Variants in RELCH observed in about 807,000 individuals in gnomAD.
RELCH encodes RAB11-binding protein RELCH.
RELCH carries 41 observed loss-of-function variants against 150.3 expected under a neutral mutation model. The ratio of observed to expected loss-of-function variants is 0.27; its 90% confidence interval spans 0.21 to 0.35. The LOEUF is 0.35. RELCH is among the 10% of genes least tolerant of loss of function. The probability of loss-of-function intolerance (pLI) is 1.00; values close to 1 mark genes in which losing one functional copy is unlikely to be tolerated. For missense variants in RELCH, 1,092 were observed against 1,467.8 expected (o/e 0.74, Z 4.18); for synonymous variants, 478 against 531.8 (o/e 0.90, Z 1.39).
chr18:62,217,250 GAA>G (rs1197581502), intron 2 of RELCH, among the ~76,000 whole-genome samples: 6 of 151,812 alleles, frequency 4.0e-5, no homozygotes, highest in Non-Finnish European at 7.4e-5. Context: ...TGGGAAAAAA[GAA>G]AAAGAGTTTC....
intron 27 of RELCH, 33 bp downstream of exon 27, chr18:62,291,664 T>G: frequency 7.3e-7 from 1 of 1,364,124 alleles, no homozygotes; most frequent in African/African-American, 1.4e-5. Flanking sequence ...GCCATATTCA[T>G]GTTTTAATAC....
chr18:62,254,280 T>A (rs72949221), intron 12 of RELCH, among the ~76,000 whole-genome samples: 1 of 151,888 alleles, frequency 6.6e-6, no homozygotes, highest in Admixed American at 6.6e-5. Flanking sequence ...CTCTCAACAG[T>A]AATTTGTATT....
At position 62,187,353 on chromosome 18, in the gene RELCH, G is replaced by A. The variant is rs1336332792; in HGVS notation, c.-153G>A. 4 of 642,302 alleles carry A rather than the reference G, an allele frequency of 6.2e-6. No individual in the cohort carries two copies. Among genetic ancestry groups the A allele is most frequent in the African/African-American group, 1.8e-5 (1 of 55,100 alleles). 39.8% of individuals were successfully genotyped at this position (642,302 alleles called of 1,614,324 possible). On this transcript the variant is annotated 5_prime_UTR_variant, in exon 1 of 29. Transcript: ENST00000644646. ...AGGTGCAGCTGCATCCGGATCTCCTGCCTTGGAGCGTACTCCTTGTCTCTA... is the reference window on the plus strand; with the variant it reads ...AGGTGCAGCTGCATCCGGATCTCCTACCTTGGAGCGTACTCCTTGTCTCTA...
intron 24 of RELCH, 138 bp downstream of exon 24, chr18:62,280,847 T>C: frequency 1.7e-6 from 1 of 591,932 alleles, no homozygotes. Context: ...AGGATCTCAC[T>C]GTGAAAACAT....
chr18:62,209,557 C>T (rs944082347), intron 1 of RELCH, among the ~76,000 whole-genome samples: 19 of 151,988 alleles, frequency 1.3e-4, no homozygotes, highest in Non-Finnish European at 1.9e-4. Context: ...AAGTATCAGT[C>T]CTCCATCTTT....
chr18:62,206,883 A>G (rs1209424906), intron 1 of RELCH, among the ~76,000 whole-genome samples: 1 of 147,308 alleles, frequency 6.8e-6, no homozygotes, highest in Non-Finnish European at 1.5e-5. Flanking sequence ...AACTCAATAC[A>G]CTTGTTTGTT....
intron 27 of RELCH, among the ~76,000 whole-genome samples, chr18:62,294,818 A>G (rs557449312): frequency 1.8e-4 from 28 of 152,162 alleles, no homozygotes; most frequent in Admixed American, 7.2e-4. Flanking sequence ...CATTCCAATT[A>G]TATTTCTTTT....
intron 26 of RELCH, among the ~76,000 whole-genome samples, chr18:62,287,785 A>T (rs1266179998): frequency 7.2e-5 from 11 of 152,152 alleles, no homozygotes; most frequent in African/African-American, 2.2e-4. Context: ...TACAGCTGAG[A>T]CTTCTGTTAA....
At chr18:62,190,652 A>G (rs2038564662) in intron 1 of RELCH, among the ~76,000 whole-genome samples, 1 of 152,228 alleles carries the variant, frequency 6.6e-6, no homozygotes, top group South Asian at 2.1e-4. Flanking sequence ...TCCTTCATTC[A>G]ATATCCTTAC....
chr18:62,258,164 A>G, intron 14 of RELCH, 76 bp downstream of exon 14: 1 of 1,284,594 alleles, frequency 7.8e-7, no homozygotes, highest in Non-Finnish European at 1.1e-6. Context: ...TCTCTGATTT[A>G]GATACTTTAT....
chr18:62,214,135 C>G (rs916946336), intron 2 of RELCH, among the ~76,000 whole-genome samples: 1 of 151,854 alleles, frequency 6.6e-6, no homozygotes, highest in Non-Finnish European at 1.5e-5. Flanking sequence ...AATTGCTGTA[C>G]TGTGCTCATA....
intron 11 of RELCH, chr18:62,246,886 A>G (rs371126833): frequency 6.6e-6 from 1 of 152,232 alleles, no homozygotes; most frequent in African/African-American, 2.4e-5. Context: ...AAACAAAGCC[A>G]GATAAAGACC....
intron 10 of RELCH, 61 bp from the exon 11 acceptor site, chr18:62,244,703 G>A (rs2148498719): frequency 9.2e-7 from 1 of 1,084,314 alleles, no homozygotes. Context: ...TATTGTGGAG[G>A]AAAAAAGAAT....
At chr18:62,227,195 T>TAAA in intron 5 of RELCH, 94 bp from the exon 6 acceptor site, 1 of 733,890 alleles carries the variant, frequency 1.4e-6, no homozygotes, top group Non-Finnish European at 2.1e-6. Flanking sequence ...AAACCGATCT[T>TAAA]AAAAAAAAAA....
intron 2 of RELCH, among the ~76,000 whole-genome samples, chr18:62,217,038 C>T (rs1050443445): frequency 2.6e-5 from 4 of 151,712 alleles, no homozygotes; most frequent in Non-Finnish European, 4.4e-5. Flanking sequence ...TCTTGTTATT[C>T]GTCACCATGA....
rs2148122259 is a variant in RELCH, at chr18:62,187,829, G to C, written c.324G>C (p.Leu108=). The C allele has an allele frequency of 6.3e-7, 1 of 1,591,748 alleles. No homozygotes were observed. The highest frequency in any genetic ancestry group is 8.6e-7 in the Non-Finnish European group (1 of 1,169,134). The change falls in exon 1 of 29, where the codon CTG becomes CTC. Residue 108 remains leucine, a synonymous_variant. Transcript: ENST00000644646. ...AGCTGTTGCGCGATCAATACTTGCT[G>C]ACCGCCCTGGAGCTGCATACCGAGC... The part of the protein sequence containing the change: ...AAQLLRDQYL[L]TALELHTELL...
At chr18:62,228,158 G>A in intron 7 of RELCH, 147 bp from the exon 8 acceptor site, 1 of 633,446 alleles carries the variant, frequency 1.6e-6, no homozygotes, top group Non-Finnish European at 2.7e-6. Context: ...AGTGAATATT[G>A]CATAAAAAAG....
intron 22 of RELCH, among the ~76,000 whole-genome samples, chr18:62,276,223 A>G (rs2044200789): frequency 6.6e-6 from 1 of 152,076 alleles, no homozygotes; most frequent in Non-Finnish European, 1.5e-5. Context: ...GCCTTGGTTC[A>G]GTTTCCATCT....
chr18:62,196,525 C>T (rs896528908), intron 1 of RELCH, among the ~76,000 whole-genome samples: 29 of 152,148 alleles, frequency 1.9e-4, no homozygotes, highest in Non-Finnish European at 4.0e-4. Flanking sequence ...CCACTGCGCC[C>T]GGCCCCATCA....
Sources: gnomAD v4.1 joint callset for allele counts (sites outside exome capture counted in the v4.1 genomes callset) on GRCh38, gnomAD v4.1.1 for gene constraint, MANE v1.5 for transcripts, NCBI Gene and HGNC (gene_info 2026-07-23, HGNC 2026-07-21) for gene names.